Variants in AGL observed in about 807,000 individuals in gnomAD.
The protein encoded by AGL is amylo-alpha-1,6-glucosidase and 4-alpha-glucanotransferase.
AGL carries 128 observed loss-of-function variants against 199.3 expected under a neutral mutation model. The observed-to-expected ratio is 0.64, with a 90% CI of 0.56 to 0.74. AGL has a LOEUF of 0.74. Among genes scored for constraint, AGL ranks in the 30% least tolerant of loss-of-function variants. The pLI, the probability that AGL is intolerant of heterozygous loss-of-function variation, is 0.00. For synonymous variants in AGL, 584 were observed against 594.7 expected (o/e 0.98, Z 0.26); for missense variants, 1,809 against 1,820.8 (o/e 0.99, Z 0.12).
rs140022533 is a variant in AGL, at chr1:99,854,759, G to A, written c.82+3635G>A. ...AGCCTGGGTGACAGAGCAAGATGCC[G>A]TCTCAAAAAAAAAAAAAAAGATAAT... On this transcript the variant is annotated intron_variant, in intron 2 of 33. Transcript: ENST00000361915. Among the ~76,000 whole-genome samples, 450 of 141,654 alleles carry A rather than the reference G, an allele frequency of 3.2e-3. 2 individuals carry two copies. The highest frequency in any genetic ancestry group is 0.011 in the African/African-American group (431 of 38,262). 92.9% of individuals were successfully genotyped at this position (141,654 alleles called of 152,430 possible). A position where few individuals can be genotyped will look rare whatever the true frequency, so the allele number is the denominator to read the frequency against.
intron 32 of AGL, 24 bp from the exon 33 acceptor site, chr1:99,916,574 T>G: frequency 6.2e-7 from 1 of 1,611,116 alleles, no homozygotes; most frequent in Non-Finnish European, 8.5e-7. Context: ...TGGTTTTTTT[T>G]GTCTTTTAAA....
At chr1:99,879,633 C>A (rs1173506667) in intron 12 of AGL, among the ~76,000 whole-genome samples, 1 of 151,850 alleles carries the variant, frequency 6.6e-6, no homozygotes, top group Admixed American at 6.6e-5. Context: ...AGGGAGAAAA[C>A]CTAACAGAAT....
At chr1:99,881,805 A>G in intron 17 of AGL, 114 bp downstream of exon 17, 2 of 1,037,440 alleles carry the variant, frequency 1.9e-6, no homozygotes, top group South Asian at 2.0e-5. Flanking sequence ...ACACAGTGCT[A>G]CTGTGGACGT....
intron 25 of AGL, among the ~76,000 whole-genome samples, chr1:99,897,039 A>G (rs1394779133): frequency 2.0e-5 from 3 of 150,618 alleles, no homozygotes; most frequent in Non-Finnish European, 4.4e-5. Flanking sequence ...CTGGTCTTGA[A>G]CTCCCGACCT....
chr1:99,891,061 G>A (rs1385021278), intron 21 of AGL, among the ~76,000 whole-genome samples, 159 bp from the exon 22 acceptor site: 2 of 152,096 alleles, frequency 1.3e-5, no homozygotes, highest in Non-Finnish European at 2.9e-5. Flanking sequence ...ATCTCCAACT[G>A]TATTAAGCAG....
intron 21 of AGL, among the ~76,000 whole-genome samples, chr1:99,890,758 G>C (rs1421004108): frequency 6.6e-6 from 1 of 151,766 alleles, no homozygotes; most frequent in Non-Finnish European, 1.5e-5. Context: ...ATCTCCATAG[G>C]TGTTCTTGCT....
intron 27 of AGL, among the ~76,000 whole-genome samples, chr1:99,904,371 G>GA (rs1654089275): frequency 6.6e-6 from 1 of 152,048 alleles, no homozygotes; most frequent in African/African-American, 2.4e-5. Context: ...ACAAGAAGTT[G>GA]AAAAAATGAT....
chr1:99,903,404 C>T (rs1309380819), intron 27 of AGL, among the ~76,000 whole-genome samples: 3 of 151,954 alleles, frequency 2.0e-5, no homozygotes, highest in Non-Finnish European at 2.9e-5. Context: ...TTTGTCCTTG[C>T]GATAGTTTGC....
intron 27 of AGL, among the ~76,000 whole-genome samples, chr1:99,909,876 T>A (rs1654609055): frequency 6.6e-6 from 1 of 152,190 alleles, no homozygotes; most frequent in Admixed American, 6.5e-5. Flanking sequence ...TGTAGTTATG[T>A]GTGTTTGAGT....
Position 99,861,606 on chromosome 1 carries a change from C to A in AGL, c.186C>A (p.Phe62Leu). The A allele has an allele frequency of 6.2e-7, 1 of 1,613,870 alleles. No homozygotes were observed. The highest frequency in any genetic ancestry group is 8.5e-7 in the Non-Finnish European group (1 of 1,179,906). ...GAGAAACATTTAATAGAGAAAAATTCCGTTCTCTGGATTGGGAAAATCCAA... is the reference window on the plus strand; with the variant it reads ...GAGAAACATTTAATAGAGAAAAATTACGTTCTCTGGATTGGGAAAATCCAA... ...FPGETFNREK[F>L]RSLDWENPTE... The change falls in exon 3 of 34, where the codon TTC becomes TTA. Residue 62 changes from phenylalanine to leucine, a missense_variant. Phe to Leu is a conservative substitution (Grantham distance 22). Transcript: ENST00000361915.
chr1:99,914,481 A>C (rs3766599), intron 30 of AGL, among the ~76,000 whole-genome samples: 1 of 152,080 alleles, frequency 6.6e-6, no homozygotes. Context: ...GTGTTCTTCT[A>C]TGCCTGGCTA....
intron 4 of AGL, among the ~76,000 whole-genome samples, chr1:99,862,950 A>AT (rs71898834): frequency 5.8e-4 from 68 of 116,452 alleles, no homozygotes; most frequent in Admixed American, 1.0e-3. Flanking sequence ...TTAAAAAAAA[A>AT]TTTTTTTTTT....
intron 25 of AGL, 117 bp downstream of exon 25, chr1:99,896,505 A>G: frequency 1.2e-6 from 1 of 822,912 alleles, no homozygotes; most frequent in Non-Finnish European, 2.1e-6. Flanking sequence ...TATTTTCTTT[A>G]GGTAGTTTTT....
chr1:99,890,641 G>GA (rs142036034), intron 21 of AGL, among the ~76,000 whole-genome samples: 1,463 of 105,912 alleles, frequency 0.014, 10 homozygotes, highest in African/African-American at 0.029. Flanking sequence ...GAAGGATTAA[G>GA]AAAAAAAAAA....
At chr1:99,907,940 G>T (rs139202695) in intron 27 of AGL, among the ~76,000 whole-genome samples, 1 of 151,924 alleles carries the variant, frequency 6.6e-6, no homozygotes. Flanking sequence ...GATATGGTTT[G>T]CAAATATTTT....
At chr1:99,881,223 T>C in intron 15 of AGL, 46 bp downstream of exon 15, 1 of 1,613,130 alleles carries the variant, frequency 6.2e-7, no homozygotes, top group Non-Finnish European at 8.5e-7. Flanking sequence ...CCAACAACTT[T>C]GGGCATTTTT....
chr1:99,879,813 A>C, intron 12 of AGL, 110 bp from the exon 13 acceptor site: 1 of 844,888 alleles, frequency 1.2e-6, no homozygotes, highest in Non-Finnish European at 2.0e-6. Flanking sequence ...ATCTTGCTGC[A>C]TATTTTTCTA....
rs1309662468 is a variant in AGL, at chr1:99,921,709, T to C, written c.*58T>C. On this transcript the variant is annotated 3_prime_UTR_variant, in exon 34 of 34. Transcript: ENST00000361915. ...TATTATAGGATGCAAGGTCATCATATGTAAATGCCTTATATGCACAGGCTC... is the reference window on the plus strand; with the variant it reads ...TATTATAGGATGCAAGGTCATCATACGTAAATGCCTTATATGCACAGGCTC... The C allele has an allele frequency of 5.0e-6, 6 of 1,210,606 alleles. No individual in the cohort carries two copies. Among genetic ancestry groups the C allele is most frequent in the African/African-American group, 1.5e-5 (1 of 66,814 alleles). 75.0% of individuals were successfully genotyped at this position (1,210,606 alleles called of 1,614,324 possible). A position where few individuals can be genotyped will look rare whatever the true frequency, so the allele number is the denominator to read the frequency against.
chr1:99,905,157 A>C (rs951858166), intron 27 of AGL, among the ~76,000 whole-genome samples: 1 of 152,094 alleles, frequency 6.6e-6, no homozygotes, highest in Non-Finnish European at 1.5e-5. Flanking sequence ...CCTTTCTTTT[A>C]AGCTGTTCAG....
Sources: gnomAD v4.1 joint callset for allele counts (sites outside exome capture counted in the v4.1 genomes callset) on GRCh38, gnomAD v4.1.1 for gene constraint, MANE v1.5 for transcripts, NCBI Gene and HGNC (gene_info 2026-07-23, HGNC 2026-07-21) for gene names.